The following NDUFS2 variants were observed in gnomAD, a reference collection of about 807,000 sequenced individuals.
NDUFS2 encodes the protein NADH:ubiquinone oxidoreductase core subunit S2, also known as NADH dehydrogenase [ubiquinone] iron-sulfur protein 2, mitochondrial.
In NDUFS2, 38 loss-of-function variants were observed where a neutral mutation model predicts 69.6. The ratio of observed to expected loss-of-function variants is 0.55; its 90% CI spans 0.42 to 0.72. The LOEUF is 0.72. NDUFS2 is among the 30% of genes least tolerant of loss of function. The pLI is 0.00. For synonymous variants in NDUFS2, 194 were observed against 211.2 expected, an observed-to-expected ratio of 0.92 and a Z score of 0.70; for missense variants, 468 against 595.0, an observed-to-expected ratio of 0.79 and a Z score of 2.22.
chr1:161,200,027 C>A (rs1027148471), upstream of NDUFS2, among the ~76,000 whole-genome samples: 3 of 152,076 alleles, frequency 2.0e-5, no homozygotes, highest in African/African-American at 7.2e-5. Context: ...ATAGGCAAGA[C>A]TTGCTCTCAG....
intron 2 of NDUFS2, among the ~76,000 whole-genome samples, chr1:161,204,724 T>G (rs756611375): frequency 5.9e-5 from 9 of 152,178 alleles, no homozygotes; most frequent in Non-Finnish European, 8.8e-5. Flanking sequence ...AACAGCTCTA[T>G]GAGAGTATTA....
chr1:161,211,728 G>T (rs79650937), intron 9 of NDUFS2, among the ~76,000 whole-genome samples: 2 of 120,098 alleles, frequency 1.7e-5, no homozygotes, highest in East Asian at 3.0e-4. Context: ...ACTGTGTATT[G>T]TTTTTTTTAT....
rs1292747569 is a variant in NDUFS2 at position 161,209,473 on chromosome 1, G to A, written c.515-10G>A. 9.3e-6 allele frequency: 15 copies of A among 1,613,284 alleles called. No homozygotes were observed. The highest frequency in any genetic ancestry group is 1.1e-5 in the Non-Finnish European group (13 of 1,179,654). Reference sequence around the variant, plus strand: ...GGCTCCTATATCCTGTCTTCTCCTTGTCTTCACAGTGCTGTTTGGAGAAAT... The same window carrying A: ...GGCTCCTATATCCTGTCTTCTCCTTATCTTCACAGTGCTGTTTGGAGAAAT... On this transcript the variant is annotated splice_polypyrimidine_tract_variant and intron_variant, in intron 4 of 13. Coordinates refer to ENST00000676972, the MANE Select transcript of NDUFS2 (RefSeq NM_001377299.1).
chr1:161,207,251 G>A (rs1216281399), intron 3 of NDUFS2, among the ~76,000 whole-genome samples: 2 of 152,208 alleles, frequency 1.3e-5, no homozygotes, highest in Non-Finnish European at 2.9e-5. Context: ...GAGAGCCTCG[G>A]CGATGACAGT....
At chr1:161,198,104 C>T, upstream of NDUFS2, 2 of 1,613,618 alleles carry the variant, frequency 1.2e-6, no homozygotes, top group Non-Finnish European at 1.7e-6. The surrounding 1 kb of genome is among the most constrained non-coding windows in gnomAD (Gnocchi z 4.7). Context: ...AGCCCCAGGT[C>T]CCCCAGCAGA....
chr1:161,198,417 C>T (rs777383096), upstream of NDUFS2: 22 of 1,601,582 alleles, frequency 1.4e-5, no homozygotes, highest in Middle Eastern at 1.6e-4. This position sits in a 1 kb window ranked among gnomAD's most constrained non-coding sequence, Gnocchi z 4.7. Context: ...CCAGGCAGGA[C>T]GCTGCCGTTG....
At chr1:161,210,763 ACTCTT>A in intron 9 of NDUFS2, 53 bp downstream of exon 9, 11 of 1,611,710 alleles carry the variant, frequency 6.8e-6, no homozygotes, top group Non-Finnish European at 9.3e-6. Flanking sequence ...CCCCTGCCTC[ACTCTT>A]CTCTTTGCCA....
At chr1:161,207,624 T>C (rs1665536727) in intron 3 of NDUFS2, among the ~76,000 whole-genome samples, 1 of 150,906 alleles carries the variant, frequency 6.6e-6, no homozygotes, top group Non-Finnish European at 1.5e-5. Flanking sequence ...CGTGGTGGTG[T>C]GCGCCTGTAG....
upstream of NDUFS2, chr1:161,202,004 G>A (rs537050126): frequency 5.3e-5 from 20 of 378,376 alleles, no homozygotes; most frequent in African/African-American, 3.5e-4. Context: ...CCGAGAGCAG[G>A]ACTAAAGCAT....
upstream of NDUFS2, chr1:161,202,079 G>C (rs1390987685): frequency 1.3e-5 from 6 of 474,818 alleles, no homozygotes; most frequent in Non-Finnish European, 2.3e-5. Flanking sequence ...TACGCAGGCG[G>C]GCTCGGCGAG....
Position 161,212,423 on chromosome 1 carries a change from T to C in NDUFS2, c.1059T>C (p.Pro353=). The C allele has an allele frequency of 6.2e-7, 1 of 1,613,958 alleles. No individual in the cohort carries two copies. Among genetic ancestry groups the C allele is most frequent in the South Asian group, 1.1e-5 (1 of 91,072 alleles). The part of the protein sequence containing the change: ...IIAQCLNKMP[P]GEIKVDDAKV... ...CACAGTGTCTAAACAAGATGCCTCC[T>C]GGGGAGATCAAGGTTGATGATGCCA... Residue 353 remains proline, a synonymous_variant, in exon 10 of 14, where the codon CCT becomes CCC. Transcript: ENST00000676972.
rs1310430207 is a variant in NDUFS2, at chr1:161,210,614, G to C, written c.890G>C (p.Gly297Ala). 1.9e-6 allele frequency: 3 copies of C among 1,614,026 alleles called. No individual in the cohort carries two copies. The highest frequency in any genetic ancestry group is 1.7e-6 in the Non-Finnish European group (2 of 1,180,036). Reference sequence around the variant, plus strand: ...AGTGGAGTGATGCTTCGGGGCTCAGGCATCCAGTGGGACCTGCGGAAGACC... The same window carrying C: ...AGTGGAGTGATGCTTCGGGGCTCAGCCATCCAGTGGGACCTGCGGAAGACC... Reference protein sequence around the residue: ...GFSGVMLRGSGIQWDLRKTQP... With the variant: ...GFSGVMLRGSAIQWDLRKTQP... Residue 297 changes from glycine to alanine, a missense_variant, in exon 9 of 14, where the codon GGC (glycine) becomes GCC (alanine). Gly to Ala is a moderately conservative substitution (Grantham distance 60). Transcript: ENST00000676972.
intron 10 of NDUFS2, 38 bp downstream of exon 10, chr1:161,212,518 A>C: frequency 1.9e-6 from 3 of 1,606,178 alleles, no homozygotes; most frequent in Non-Finnish European, 2.5e-6. Flanking sequence ...GGGTGTTGGA[A>C]AGGGGCCAGT....
intron 5 of NDUFS2, 108 bp from the exon 6 acceptor site, chr1:161,209,749 A>G: frequency 3.8e-6 from 5 of 1,315,520 alleles, no homozygotes; most frequent in Non-Finnish European, 5.4e-6. Flanking sequence ...TAGAAACTAT[A>G]TCATGAGGGG....
chr1:161,198,195 C>G (rs751197275), upstream of NDUFS2: 12 of 1,613,982 alleles, frequency 7.4e-6, no homozygotes, highest in Non-Finnish European at 8.5e-6. The surrounding 1 kb of genome is among the most constrained non-coding windows in gnomAD (Gnocchi z 4.7). Flanking sequence ...GCTCCCCCAT[C>G]CCAGTGCAGA....
chr1:161,213,584 G>C, intron 11 of NDUFS2, 65 bp from the exon 12 acceptor site: 3 of 1,573,314 alleles, frequency 1.9e-6, no homozygotes, highest in Non-Finnish European at 2.6e-6. Context: ...ATGAATAGAG[G>C]TTTTGTTGGC....
At chr1:161,197,894 A>C, upstream of NDUFS2, 3 of 1,484,416 alleles carry the variant, frequency 2.0e-6, no homozygotes, top group South Asian at 1.4e-5. Flanking sequence ...AGGGAAGCAG[A>C]ACGGCCAGAA....
chr1:161,200,922 C>T (rs1248342332), upstream of NDUFS2, among the ~76,000 whole-genome samples: 1 of 152,146 alleles, frequency 6.6e-6, no homozygotes, highest in Non-Finnish European at 1.5e-5. Flanking sequence ...CTAGGCAGCC[C>T]CTCAGGAGCC....
At chr1:161,197,992 T>C, upstream of NDUFS2, 2 of 1,552,842 alleles carry the variant, frequency 1.3e-6, no homozygotes, top group Non-Finnish European at 1.7e-6. Flanking sequence ...CAGAGATGCC[T>C]ACCTTGGCTC....
Sources: allele counts gnomAD v4.1 joint callset (sites outside exome capture counted in the v4.1 genomes callset), GRCh38; gene constraint gnomAD v4.1.1; non-coding constraint Gnocchi (gnomAD v3.1); transcripts MANE v1.5; gene names NCBI Gene and HGNC (gene_info 2026-07-23, HGNC 2026-07-21).